The following EIF3J variants were observed in gnomAD, a reference collection of about 807,000 sequenced individuals.
The protein encoded by EIF3J is eukaryotic translation initiation factor 3 subunit J, also known as eukaryotic translation initiation factor 3, subunit 1 (alpha, 35kD).
In EIF3J, 15 loss-of-function variants were observed where a neutral mutation model predicts 39.0. That is an observed-to-expected ratio of 0.38 (90% CI 0.26 to 0.59). The LOEUF (loss-of-function observed/expected upper bound fraction) is 0.59, where lower values mean the gene tolerates loss of function less well. EIF3J is among the 20% of genes least tolerant of loss of function. The pLI is 0.60. For synonymous variants in EIF3J, 98 were observed against 112.9 expected (o/e 0.87, Z 0.84); for missense variants, 226 against 308.6 (o/e 0.73, Z 2.00).
chr15:44,550,923 A>G lies in EIF3J; in HGVS notation c.195A>G (p.Val65=), dbSNP rs200969499. 2 of 1,609,772 alleles carry G rather than the reference A, an allele frequency of 1.2e-6. No individual in the cohort carries two copies. Among genetic ancestry groups the G allele is most frequent in the East Asian group, 4.5e-5 (2 of 44,806 alleles). Residue 65 remains valine, a synonymous_variant, in exon 3 of 8, where the codon GTA becomes GTG. Coordinates refer to ENST00000261868, the MANE Select transcript of EIF3J (RefSeq NM_003758.4). Reference sequence around the variant, plus strand: ...ATGAAAAAAAAGAGGAAGCAGAAGTAAAACCAGGTGAGCCACTGGGGCGCC... The same window carrying G: ...ATGAAAAAAAAGAGGAAGCAGAAGTGAAACCAGGTGAGCCACTGGGGCGCC... The part of the protein sequence containing the change: ...DDDEKKEEAE[V]KPEVKISEKK...
chr15:44,549,905 A>G (rs1398653089), intron 2 of EIF3J, among the ~76,000 whole-genome samples: 1 of 150,958 alleles, frequency 6.6e-6, no homozygotes, highest in Non-Finnish European at 1.5e-5. Flanking sequence ...GGTTGCAGTG[A>G]GCTGAGATCG....
At chr15:44,545,825 A>G (rs1021900313) in intron 2 of EIF3J, among the ~76,000 whole-genome samples, 1 of 152,204 alleles carries the variant, frequency 6.6e-6, no homozygotes, top group African/African-American at 2.4e-5. Flanking sequence ...ATGACACTTT[A>G]AAGAACTTTG....
At position 44,557,572 on chromosome 15, in the gene EIF3J, G is replaced by T; in HGVS notation, c.493G>T (p.Asp165Tyr). The change falls in exon 6 of 8, where the codon GAT becomes TAT. Residue 165 changes from aspartate (D) to tyrosine (Y), a missense_variant. Physicochemically the swap from Asp to Tyr is radical, Grantham distance 160. This residue lies in a region of EIF3J where 83 missense variants were observed against 152.6 expected (regional missense o/e 0.54). Coordinates refer to ENST00000261868, the MANE Select transcript of EIF3J (RefSeq NM_003758.4). ...DFTEFGKLLK[D>Y]KITQYEKSLY... ...TACAGAGTTTGGAAAGTTACTAAAA[G>T]ATAAAATTACACAATATGAAAAGTC... The T allele has an allele frequency of 6.4e-7, 1 of 1,552,644 alleles. No homozygotes were observed. Among genetic ancestry groups the T allele is most frequent in the South Asian group, 1.3e-5 (1 of 77,266 alleles).
intron 6 of EIF3J, chr15:44,558,864 T>C (rs1159646551): frequency 6.6e-6 from 1 of 152,224 alleles, no homozygotes; most frequent in African/African-American, 2.4e-5. Context: ...TGATATTTTA[T>C]TCTGCATGTA....
At chr15:44,560,952 T>C in intron 7 of EIF3J, 66 bp from the exon 8 acceptor site, 1 of 1,578,674 alleles carries the variant, frequency 6.3e-7, no homozygotes, top group Non-Finnish European at 8.6e-7. Context: ...TTTATGAGGG[T>C]TGCTGTACCA....
At position 44,561,267 on chromosome 15, in the gene EIF3J, T is replaced by C. The variant is rs2082192210; in HGVS notation, c.*118T>C. ...ACAATCAGAAGTGCAGTATCTTTTG[T>C]GCTGGTTATTTAACCCCTTGACACT... is the stretch of plus-strand genomic sequence containing the variant. On this transcript the variant is annotated 3_prime_UTR_variant, in exon 8 of 8. Coordinates refer to ENST00000261868, the MANE Select transcript of EIF3J (RefSeq NM_003758.4). 1.4e-5 allele frequency: 18 copies of C among 1,258,942 alleles called. No homozygotes were observed. The highest frequency in any genetic ancestry group is 1.8e-5 in the Non-Finnish European group (17 of 924,862). 78.0% of individuals were successfully genotyped at this position (1,258,942 alleles called of 1,614,324 possible). A position where few individuals can be genotyped will look rare whatever the true frequency, so the allele number is the denominator to read the frequency against.
intron 4 of EIF3J, among the ~76,000 whole-genome samples, chr15:44,553,923 T>A (rs1483849564): frequency 6.6e-6 from 1 of 152,260 alleles, no homozygotes; most frequent in Non-Finnish European, 1.5e-5. Flanking sequence ...TATTTTTACC[T>A]TGTCCACAGT....
At chr15:44,552,030 C>T (rs1350719201) in intron 4 of EIF3J, among the ~76,000 whole-genome samples, 2 of 151,996 alleles carry the variant, frequency 1.3e-5, no homozygotes, top group Admixed American at 6.6e-5. Context: ...ACCATGTTGG[C>T]CAGGATGGTC....
At position 44,547,302 on chromosome 15, in the gene EIF3J, C is replaced by T. The variant is rs1033032469; in HGVS notation, c.148-3574C>T. Among the ~76,000 whole-genome samples the T allele has an allele frequency of 2.6e-5, 4 of 151,760 alleles. No individual in the cohort carries two copies. In the East Asian group the frequency reaches 5.8e-4, roughly 22 times the overall value. ...GGGATTACAGGCATGTGCCACCACA[C>T]CCAGCTAATTTTGTATTTTTAGTAG... On this transcript the variant is annotated intron_variant, in intron 2 of 7. Transcript: ENST00000261868.
Position 44,557,586 on chromosome 15 carries a change from A to T in EIF3J, c.507A>T (p.Gln169His). ...AGTTACTAAAAGATAAAATTACACA[A>T]TATGAAAAGTCACTATATTATGCCA... Reference protein sequence around the residue: ...FGKLLKDKITQYEKSLYYASF... With the variant: ...FGKLLKDKITHYEKSLYYASF... The change falls in exon 6 of 8, where the codon CAA becomes CAT. Residue 169 changes from glutamine (Q) to histidine (H), a missense_variant. Coordinates refer to ENST00000261868, the MANE Select transcript of EIF3J (RefSeq NM_003758.4). 4.5e-6 allele frequency: 7 copies of T among 1,547,098 alleles called. No individual in the cohort carries two copies. The highest frequency in any genetic ancestry group is 6.1e-6 in the Non-Finnish European group (7 of 1,147,958).
rs1383699786 is a variant in EIF3J, at chr15:44,561,242, A to G, written c.*93A>G. ...TTTCCTTTCAGTTCTGCCAAATGCT[A>G]CAATCAGAAGTGCAGTATCTTTTGT... On this transcript the variant is annotated 3_prime_UTR_variant, in exon 8 of 8. Coordinates refer to ENST00000261868, the MANE Select transcript of EIF3J (RefSeq NM_003758.4). The G allele has an allele frequency of 6.9e-7, 1 of 1,438,890 alleles. No homozygotes were observed. Among genetic ancestry groups the G allele is most frequent in the African/African-American group, 1.4e-5 (1 of 70,510 alleles). 89.1% of individuals were successfully genotyped at this position (1,438,890 alleles called of 1,614,324 possible).
At chr15:44,539,305 C>A (rs890210359) in intron 2 of EIF3J, among the ~76,000 whole-genome samples, 3 of 151,980 alleles carry the variant, frequency 2.0e-5, no homozygotes, top group African/African-American at 7.3e-5. Flanking sequence ...GAATTATAGG[C>A]GTGAGCTACC....
chr15:44,547,868 C>CT (rs2082067626), intron 2 of EIF3J, among the ~76,000 whole-genome samples: 1 of 152,068 alleles, frequency 6.6e-6, no homozygotes, highest in African/African-American at 2.4e-5. Flanking sequence ...ATGCTTTTTA[C>CT]ATTTGGGGGG....
chr15:44,550,670 A>G (rs2082091492), intron 2 of EIF3J: 1 of 440,912 alleles, frequency 2.3e-6, no homozygotes, highest in African/African-American at 2.0e-5. Context: ...ACAAAAATGT[A>G]CTTGATCAAA....
In EIF3J at chr15:44,548,469, G is replaced by C. The variant is rs150226847; in HGVS notation, c.148-2407G>C. Among the ~76,000 whole-genome samples the C allele has an allele frequency of 3.3e-5, 5 of 152,272 alleles. 1 individual carries two copies. Among genetic ancestry groups the C allele is most frequent in the African/African-American group, 9.6e-5 (4 of 41,552 alleles). On this transcript the variant is annotated intron_variant, in intron 2 of 7. Coordinates refer to ENST00000261868, the MANE Select transcript of EIF3J (RefSeq NM_003758.4). ...GGTACCGTTATATGGAGAGACAGTA[G>C]ACTAGTGGGATAGGATCAAAAGCCC...
chr15:44,549,764 CAAAAAAAAAAA>C (rs774290941), intron 2 of EIF3J, among the ~76,000 whole-genome samples: 13 of 11,462 alleles, frequency 1.1e-3, no homozygotes, highest in African/African-American at 3.4e-3. Context: ...GACTCCGTCT[CAAAAAAAAAAA>C]AAAAAAAAAA....
In EIF3J at chr15:44,550,893, T is replaced by A. The variant is rs749313160; in HGVS notation, c.165T>A (p.Asp55Glu). 3.1e-6 allele frequency: 5 copies of A among 1,608,416 alleles called. No individual in the cohort carries two copies. In the Admixed American group the frequency reaches 8.4e-5, roughly 27 times the overall value. The change falls in exon 3 of 8, where the codon GAT becomes GAA. Residue 55 changes from aspartate (D) to glutamate (E), a missense_variant. Transcript: ENST00000261868. Reference protein sequence around the residue: ...DEDVKDNWDDDDDEKKEEAEV... With the variant: ...DEDVKDNWDDEDDEKKEEAEV... ...TTCTTTAGGATAACTGGGATGACGATGATGATGAAAAAAAAGAGGAAGCAG... is the reference window on the plus strand; with the variant it reads ...TTCTTTAGGATAACTGGGATGACGAAGATGATGAAAAAAAAGAGGAAGCAG...
At chr15:44,539,626 T>C (rs1178817871) in intron 2 of EIF3J, among the ~76,000 whole-genome samples, 1 of 151,112 alleles carries the variant, frequency 6.6e-6, no homozygotes, top group Non-Finnish European at 1.5e-5. Flanking sequence ...GGTCTCAATC[T>C]CCTGACCTTG....
rs767112703 is a variant in EIF3J, at chr15:44,561,003, C to T, written c.646-15C>T. 3 of 1,612,120 alleles carry T rather than the reference C, an allele frequency of 1.9e-6. No individual in the cohort carries two copies. Among genetic ancestry groups the T allele is most frequent in the Non-Finnish European group, 2.5e-6 (3 of 1,179,446 alleles). ...GCACACTAAGGTTCATGAATTAACT[C>T]TCTTTCATCTTTAGCAAAGCAAAGC... On this transcript the variant is annotated splice_polypyrimidine_tract_variant and intron_variant, in intron 7 of 7. Coordinates refer to ENST00000261868, the MANE Select transcript of EIF3J (RefSeq NM_003758.4).
Sources: gnomAD v4.1 joint callset for allele counts (sites outside exome capture counted in the v4.1 genomes callset) on GRCh38, gnomAD v4.1.1 for gene constraint, gnomAD v4.1.1 regional missense constraint, MANE v1.5 for transcripts, NCBI Gene and HGNC (gene_info 2026-07-23, HGNC 2026-07-21) for gene names.